Variants in SYT1 observed in about 807,000 individuals in gnomAD.
The protein encoded by SYT1 is synaptotagmin 1, also known as synaptotagmin-1.
A neutral mutation model predicts 44.8 loss-of-function variants in SYT1; 8 were observed. The ratio of observed to expected loss-of-function variants is 0.18; its 90% CI spans 0.10 to 0.32. SYT1 has a LOEUF of 0.32. SYT1 is among the 10% of genes least tolerant of loss of function. The pLI is 1.00. For synonymous variants in SYT1, 154 were observed against 188.8 expected (o/e 0.82, Z 1.51); for missense variants, 286 against 509.3 (o/e 0.56, Z 4.22).
At chr12:78,893,869 T>C (rs1208449191) in intron 1 of SYT1, among the ~76,000 whole-genome samples, 3 of 151,632 alleles carry the variant, frequency 2.0e-5, no homozygotes, top group African/African-American at 7.3e-5. Flanking sequence ...ATAATAAAGT[T>C]GCCCTCTGCA....
intron 1 of SYT1, among the ~76,000 whole-genome samples, chr12:78,876,785 TA>T: frequency 5.3e-5 from 3 of 56,682 alleles, no homozygotes; most frequent in African/African-American, 2.3e-4. Context: ...ATATATTATA[TA>T]ATACATATAA....
intron 2 of SYT1, among the ~76,000 whole-genome samples, chr12:79,013,844 C>T (rs1871589890): frequency 6.6e-6 from 1 of 152,010 alleles, no homozygotes; most frequent in Admixed American, 6.6e-5. Flanking sequence ...AATAAGCCTT[C>T]AGGCCGGACG....
chr12:79,179,048 A>ATATATC (rs1491101577), intron 3 of SYT1, among the ~76,000 whole-genome samples: 1 of 104,384 alleles, frequency 9.6e-6, no homozygotes, highest in Non-Finnish European at 1.9e-5. Context: ...ATAGATATAG[A>ATATATC]TATATAGATA....
intron 4 of SYT1, among the ~76,000 whole-genome samples, chr12:79,239,710 G>C (rs1358248): frequency 1.3e-5 from 2 of 152,058 alleles, no homozygotes; most frequent in African/African-American, 2.4e-5. Context: ...AGCCTAACAG[G>C]GTCCTCTGCT....
chr12:79,125,154 C>A (rs1246287220), intron 3 of SYT1, among the ~76,000 whole-genome samples: 1 of 152,132 alleles, frequency 6.6e-6, no homozygotes, highest in Admixed American at 6.5e-5. Flanking sequence ...TAGGGCTCAG[C>A]AGATTGCTTT....
chr12:79,268,731 T>C (rs549635691), intron 4 of SYT1, among the ~76,000 whole-genome samples: 1 of 152,288 alleles, frequency 6.6e-6, no homozygotes, highest in South Asian at 2.1e-4. Context: ...CATGTATTCT[T>C]AAGGAGACAA....
Position 79,120,425 on chromosome 12 carries a change from A to T in SYT1, c.-18+73063A>T, listed in dbSNP as rs535497648. 4.7e-5 allele frequency among the ~76,000 whole-genome samples: 7 copies of T among 149,578 alleles called. No homozygotes were observed. In the South Asian group the frequency reaches 1.3e-3, roughly 27 times the overall value. ...GTATCTAAAATCAAAGTTAAAATTT[A>T]AAAAAAATATATAAAAATGCAAAAT... On this transcript the variant is annotated intron_variant, in intron 3 of 10. Coordinates refer to ENST00000261205, the MANE Select transcript of SYT1 (RefSeq NM_005639.3).
chr12:79,011,902 C>T (rs1055064935), intron 2 of SYT1, among the ~76,000 whole-genome samples: 5 of 151,936 alleles, frequency 3.3e-5, no homozygotes, highest in Admixed American at 6.6e-5. Context: ...GGGGCTGAGG[C>T]GGGTGAATCA....
intron 1 of SYT1, among the ~76,000 whole-genome samples, chr12:78,972,512 T>G (rs1305599917): frequency 6.9e-6 from 1 of 144,130 alleles, no homozygotes; most frequent in Non-Finnish European, 1.5e-5. Context: ...AGCAAATAAC[T>G]TGGCAGCTTT....
At chr12:79,253,932 G>A (rs571869947) in intron 4 of SYT1, among the ~76,000 whole-genome samples, 1 of 152,286 alleles carries the variant, frequency 6.6e-6, no homozygotes, top group South Asian at 2.1e-4. Flanking sequence ...TGAAAGCTGA[G>A]AGAGGTAAGG....
intron 4 of SYT1, among the ~76,000 whole-genome samples, chr12:79,266,463 C>A (rs960836495): frequency 6.9e-4 from 105 of 152,192 alleles, no homozygotes; most frequent in African/African-American, 2.5e-3. Flanking sequence ...TGAAAACCTA[C>A]AATAGCAAGA....
At chr12:79,252,857 G>A (rs1877296840) in intron 4 of SYT1, among the ~76,000 whole-genome samples, 1 of 152,184 alleles carries the variant, frequency 6.6e-6, no homozygotes. Flanking sequence ...AAGTAATGGA[G>A]AAGGAAGTTC....
intron 3 of SYT1, among the ~76,000 whole-genome samples, chr12:79,164,847 C>T (rs772983717): frequency 3.3e-5 from 5 of 151,800 alleles, no homozygotes; most frequent in Non-Finnish European, 5.9e-5. Flanking sequence ...AGACAGAACC[C>T]GGCGGATACC....
At position 78,894,330 on chromosome 12, in the gene SYT1, G is replaced by GTTTTTTTT. The variant is rs566175647; in HGVS notation, c.-217+29249_-217+29256dup. Among the ~76,000 whole-genome samples the GTTTTTTTT allele has an allele frequency of 8.7e-4, 24 of 27,730 alleles. 5 individuals are homozygous for GTTTTTTTT. Among genetic ancestry groups the GTTTTTTTT allele is most frequent in the East Asian group, 3.5e-3 (2 of 564 alleles). The allele number at this position is 27,730 out of a possible 152,430, so 18.2% of individuals were successfully genotyped here. A position where few individuals can be genotyped will look rare whatever the true frequency, so the allele number is the denominator to read the frequency against. On this transcript the variant is annotated intron_variant, in intron 1 of 10. Transcript: ENST00000261205. Reference sequence around the variant, plus strand: ...AATTTATGATTGTGTTTTTTAATCTGTTTTTTTTTTTTTTTTTTTTTTTTT... The same window carrying GTTTTTTTT: ...AATTTATGATTGTGTTTTTTAATCTGTTTTTTTTTTTTTTTTTTTTTTTTTTTTTTTTT...
intron 5 of SYT1, among the ~76,000 whole-genome samples, chr12:79,288,636 ATATATT>A (rs940936324): frequency 2.6e-5 from 4 of 152,200 alleles, no homozygotes; most frequent in African/African-American, 9.6e-5. Context: ...TGCATAAGAT[ATATATT>A]TATGTGTTCT....
At chr12:79,058,125 C>T (rs186670050) in intron 3 of SYT1, among the ~76,000 whole-genome samples, 5 of 152,038 alleles carry the variant, frequency 3.3e-5, no homozygotes, top group South Asian at 2.1e-4. Flanking sequence ...TTAAATGAGA[C>T]AGCTAAAAGA....
At chr12:79,072,520 T>C (rs1192565819) in intron 3 of SYT1, among the ~76,000 whole-genome samples, 2 of 152,142 alleles carry the variant, frequency 1.3e-5, no homozygotes, top group Non-Finnish European at 2.9e-5. Flanking sequence ...TGAAAATTGT[T>C]TAATATTTGA....
At chr12:79,036,562 G>C (rs1873148220) in intron 2 of SYT1, 1 of 151,744 alleles carries the variant, frequency 6.6e-6, no homozygotes, top group Admixed American at 6.6e-5. Flanking sequence ...GAAGTGTGTA[G>C]AGTCACTCTG....
intron 2 of SYT1, among the ~76,000 whole-genome samples, chr12:79,026,667 TTATATATATA>T (rs3064320): frequency 6.2e-4 from 63 of 102,258 alleles, no homozygotes; most frequent in Admixed American, 2.4e-3. Context: ...CATATATATT[TTATATATATA>T]TATATATATA....
Sources: gnomAD v4.1 joint callset for allele counts (sites outside exome capture counted in the v4.1 genomes callset) on GRCh38, gnomAD v4.1.1 for gene constraint, MANE v1.5 for transcripts, NCBI Gene and HGNC (gene_info 2026-07-23, HGNC 2026-07-21) for gene names.